ZNF69: variants seen among roughly 807,000 people sequenced by gnomAD.
The protein encoded by ZNF69 is zinc finger protein 69, also known as ZNF3.
A neutral mutation model predicts 50.9 loss-of-function variants in ZNF69; 47 were observed. The observed-to-expected ratio is 0.92, with a 90% CI of 0.73 to 1.18. The LOEUF (loss-of-function observed/expected upper bound fraction) is 1.18. Among genes scored for constraint, ZNF69 ranks in the 50% most tolerant of loss-of-function variants. The pLI is 0.00. For missense variants in ZNF69, 717 were observed against 675.1 expected, an observed-to-expected ratio of 1.06 and a Z score of -0.69; for synonymous variants, 216 against 223.1, an observed-to-expected ratio of 0.97 and a Z score of 0.29.
the ZNF69 span, among the ~76,000 whole-genome samples, chr19:11,967,421 T>C: frequency 5.9e-5 from 9 of 152,256 alleles, no homozygotes; most frequent in African/African-American, 2.2e-4. Flanking sequence ...TTGTTTTTTT[T>C]TGAGACGGAG....
downstream of ZNF69, among the ~76,000 whole-genome samples, chr19:11,911,104 A>C (rs1221771010): frequency 2.6e-5 from 4 of 152,324 alleles, no homozygotes; most frequent in Non-Finnish European, 5.9e-5. Context: ...AGAGAAATGC[A>C]AATCAAAACC....
chr19:11,931,014 C>A, the ZNF69 span, among the ~76,000 whole-genome samples: 21 of 144,484 alleles, frequency 1.5e-4, 3 homozygotes, highest in South Asian at 4.1e-3. Context: ...AAAAAAAAAA[C>A]AACATAGATG....
At chr19:11,953,881 A>G in the ZNF69 span, among the ~76,000 whole-genome samples, 1 of 151,460 alleles carries the variant, frequency 6.6e-6, no homozygotes, top group African/African-American at 2.5e-5. Context: ...TCCACTTTAC[A>G]CAATTAATAA....
the ZNF69 span, chr19:11,950,046 G>A: frequency 8.1e-6 from 13 of 1,613,946 alleles, no homozygotes; most frequent in African/African-American, 1.6e-4. Flanking sequence ...GAGGAGAGAA[G>A]CCCTATGAAT....
At chr19:11,939,656 C>T in the ZNF69 span, among the ~76,000 whole-genome samples, 2 of 152,082 alleles carry the variant, frequency 1.3e-5, no homozygotes, top group African/African-American at 4.8e-5. Context: ...AGATGGAGTT[C>T]CACCACGTTG....
chr19:11,894,675 C>A (rs995386049), intron 1 of ZNF69, among the ~76,000 whole-genome samples: 1 of 152,198 alleles, frequency 6.6e-6, no homozygotes, highest in African/African-American at 2.4e-5. Flanking sequence ...CCCAAGAGAG[C>A]AGCTGAATGC....
the ZNF69 span, chr19:11,925,276 G>C: frequency 6.2e-7 from 1 of 1,612,030 alleles, no homozygotes; most frequent in South Asian, 1.1e-5. Flanking sequence ...GGGAAATGGT[G>C]CGTGTGCGGG....
At chr19:11,971,685 G>T in the ZNF69 span, among the ~76,000 whole-genome samples, 1 of 152,228 alleles carries the variant, frequency 6.6e-6, no homozygotes, top group Admixed American at 6.5e-5. Context: ...ATTTTATATT[G>T]ATGTTTTTCA....
At chr19:11,947,845 C>T in the ZNF69 span, among the ~76,000 whole-genome samples, 1 of 152,048 alleles carries the variant, frequency 6.6e-6, no homozygotes, top group Non-Finnish European at 1.5e-5. Context: ...ATATCAACAA[C>T]AGCAAAAAAT....
chr19:11,973,510 C>T, the ZNF69 span, among the ~76,000 whole-genome samples: 2 of 152,050 alleles, frequency 1.3e-5, no homozygotes, highest in East Asian at 3.9e-4. Flanking sequence ...CCACCACGTT[C>T]GGCCACTCAT....
chr19:11,977,829 G>A, the ZNF69 span, among the ~76,000 whole-genome samples: 1 of 152,168 alleles, frequency 6.6e-6, no homozygotes, highest in African/African-American at 2.4e-5. Flanking sequence ...CTGTACTCCA[G>A]GATGGTCACA....
At chr19:11,955,159 C>T in the ZNF69 span, among the ~76,000 whole-genome samples, 1 of 151,778 alleles carries the variant, frequency 6.6e-6, no homozygotes, top group African/African-American at 2.4e-5. Flanking sequence ...CGCATACCAC[C>T]ATGCCTGGCT....
the ZNF69 span, among the ~76,000 whole-genome samples, chr19:11,943,777 A>T: frequency 3.5e-4 from 54 of 152,212 alleles, no homozygotes; most frequent in African/African-American, 1.2e-3. Flanking sequence ...ATGTGGGGAA[A>T]ATCAGTTGAA....
At chr19:11,952,969 GAGGC>G in the ZNF69 span, 1 of 152,274 alleles carries the variant, frequency 6.6e-6, no homozygotes, top group Non-Finnish European at 1.5e-5. Context: ...AGCTACTCAG[GAGGC>G]TGAGACAGGA....
chr19:11,923,888 A>G, the ZNF69 span, among the ~76,000 whole-genome samples: 11 of 152,250 alleles, frequency 7.2e-5, no homozygotes, highest in Admixed American at 7.2e-4. Flanking sequence ...AGGGAGGGAA[A>G]GAGAGTTTCC....
At chr19:11,952,795 C>T in the ZNF69 span, among the ~76,000 whole-genome samples, 4 of 152,118 alleles carry the variant, frequency 2.6e-5, no homozygotes, top group Non-Finnish European at 5.9e-5. Context: ...GGCACCTGAC[C>T]AGGTGCAGTG....
chr19:11,958,352 G>C, the ZNF69 span, among the ~76,000 whole-genome samples: 19 of 152,268 alleles, frequency 1.2e-4, no homozygotes, highest in African/African-American at 4.3e-4. Context: ...CATCTGCTGA[G>C]TGGGGCTGTG....
the ZNF69 span, among the ~76,000 whole-genome samples, chr19:11,930,926 G>A: frequency 6.8e-6 from 1 of 147,128 alleles, no homozygotes; most frequent in African/African-American, 2.7e-5. Flanking sequence ...TTGAACCTGG[G>A]AGGTGGAGAT....
the ZNF69 span, among the ~76,000 whole-genome samples, chr19:11,971,593 CTG>C: frequency 2.0e-5 from 3 of 152,090 alleles, no homozygotes; most frequent in Non-Finnish European, 4.4e-5. Context: ...TAAAATATAA[CTG>C]TAGTCGTATT....
Sources: gnomAD v4.1 joint callset for allele counts (sites outside exome capture counted in the v4.1 genomes callset) on GRCh38, gnomAD v4.1.1 for gene constraint, MANE v1.5 for transcripts, NCBI Gene and HGNC (gene_info 2026-07-23, HGNC 2026-07-21) for gene names.